LRP6: variants seen among roughly 807,000 people sequenced by gnomAD.
LRP6 encodes the protein LDL receptor related protein 6.
A neutral mutation model predicts 184.1 loss-of-function variants in LRP6; 43 were observed. The ratio of observed to expected loss-of-function variants is 0.23; its 90% confidence interval spans 0.18 to 0.30. The LOEUF (loss-of-function observed/expected upper bound fraction) is 0.30. Ranked by LOEUF, LRP6 falls within the 10% of genes least tolerant of loss-of-function variation. The pLI is 1.00. For synonymous variants in LRP6, 719 were observed against 684.9 expected (o/e 1.05, Z -0.78); for missense variants, 1,571 against 2,005.3 (o/e 0.78, Z 4.14).
chr12:12,171,055 T>C (rs890802720), intron 7 of LRP6, among the ~76,000 whole-genome samples: 2 of 152,186 alleles, frequency 1.3e-5, no homozygotes, highest in Non-Finnish European at 2.9e-5. Flanking sequence ...GCAGTCTAGA[T>C]CAGCCATGTA....
chr12:12,255,561 G>C (rs549154895), intron 1 of LRP6, among the ~76,000 whole-genome samples: 2 of 145,344 alleles, frequency 1.4e-5, no homozygotes, highest in South Asian at 4.3e-4. Flanking sequence ...TTTTGGGTTT[G>C]GTCACTTTTT....
chr12:12,140,274 G>A (rs964380707), intron 15 of LRP6, among the ~76,000 whole-genome samples: 1 of 151,788 alleles, frequency 6.6e-6, no homozygotes, highest in African/African-American at 2.4e-5. Flanking sequence ...AGAGCCCTTG[G>A]AAATTAAAAA....
intron 2 of LRP6, among the ~76,000 whole-genome samples, chr12:12,236,087 C>T (rs188496858): frequency 6.6e-6 from 1 of 151,996 alleles, no homozygotes; most frequent in Non-Finnish European, 1.5e-5. Context: ...ATTAGCCAGG[C>T]GTGGTGGCGG....
intron 9 of LRP6, 61 bp from the exon 10 acceptor site, chr12:12,162,480 AG>A: frequency 6.8e-7 from 1 of 1,461,570 alleles, no homozygotes. Context: ...TCCAGAAAGA[AG>A]GTTTGGTTTG....
intron 7 of LRP6, among the ~76,000 whole-genome samples, chr12:12,176,634 AC>A (rs1863189758): frequency 6.6e-6 from 1 of 152,116 alleles, no homozygotes; most frequent in Admixed American, 6.5e-5. Flanking sequence ...ATCACCACTT[AC>A]AAAAGAGGAA....
intron 3 of LRP6, among the ~76,000 whole-genome samples, chr12:12,202,793 T>C (rs1336011676): frequency 1.3e-5 from 2 of 152,194 alleles, no homozygotes; most frequent in Non-Finnish European, 2.9e-5. Flanking sequence ...CACTCTTTGT[T>C]GTACTGATGC....
intron 15 of LRP6, among the ~76,000 whole-genome samples, chr12:12,139,967 T>G (rs1490871161): frequency 6.6e-6 from 1 of 151,908 alleles, no homozygotes; most frequent in Non-Finnish European, 1.5e-5. Flanking sequence ...GGAACAAAGG[T>G]AGGAGTTATG....
intron 7 of LRP6, among the ~76,000 whole-genome samples, chr12:12,179,401 TATAGATATAG>T (rs755310421): frequency 0.012 from 1,745 of 143,266 alleles, 34 homozygotes; most frequent in Middle Eastern, 0.045. Context: ...TAGATATAGA[TATAGATATAG>T]ATATAGATAT....
chr12:12,138,332 T>C lies in LRP6; in HGVS notation c.3600A>G (p.Gln1200=). 1 of 1,613,656 alleles carries C rather than the reference T, an allele frequency of 6.2e-7. No individual in the cohort carries two copies. The highest frequency in any genetic ancestry group is 1.7e-5 in the Admixed American group (1 of 60,018). Residue 1200 remains glutamine (Q), a synonymous_variant, in exon 16 of 23, where the codon CAA becomes CAG. Coordinates refer to ENST00000261349, the MANE Select transcript of LRP6 (RefSeq NM_002336.3). ...TATCCCATTAACACTTACTGTATTCTTGAAGGTTCAGCTCCTTTACTGCAT... is the reference window on the plus strand; with the variant it reads ...TATCCCATTAACACTTACTGTATTCCTGAAGGTTCAGCTCCTTTACTGCAT... ...DIHAVKELNL[Q]EYRQHPCAQD... is the part of the protein sequence containing the mutation.
At chr12:12,198,890 CATTT>C (rs1463472308) in intron 3 of LRP6, among the ~76,000 whole-genome samples, 5 of 151,992 alleles carry the variant, frequency 3.3e-5, no homozygotes, top group Non-Finnish European at 5.9e-5. Context: ...ACTTTTGACT[CATTT>C]ATTTATTTAA....
At chr12:12,212,789 C>T (rs189413778) in intron 2 of LRP6, among the ~76,000 whole-genome samples, 125 of 152,180 alleles carry the variant, frequency 8.2e-4, no homozygotes, top group African/African-American at 2.7e-3. Flanking sequence ...CAGTCATGCT[C>T]TATGAGAACT....
chr12:12,176,488 C>T (rs1472005946), intron 7 of LRP6, among the ~76,000 whole-genome samples: 1 of 152,162 alleles, frequency 6.6e-6, no homozygotes, highest in Non-Finnish European at 1.5e-5. Context: ...ATCCCTCCTT[C>T]CCGAAGCTTA....
chr12:12,200,939 G>C (rs1214251296), intron 3 of LRP6, among the ~76,000 whole-genome samples: 1 of 152,070 alleles, frequency 6.6e-6, no homozygotes, highest in Admixed American at 6.6e-5. Context: ...ATTTATAAGA[G>C]CTTTTGTTTT....
chr12:12,179,365 T>TATATAG (rs1863278478), intron 7 of LRP6, among the ~76,000 whole-genome samples: 1 of 8,786 alleles, frequency 1.1e-4, no homozygotes, highest in Admixed American at 1.3e-3. Context: ...CAATAAAAGA[T>TATATAG]ATAGATATAG....
chr12:12,138,301 T>C, intron 16 of LRP6, 24 bp downstream of exon 16: 1 of 1,562,416 alleles, frequency 6.4e-7, no homozygotes, highest in Non-Finnish European at 8.8e-7. Flanking sequence ...TTCCTCCAAT[T>C]AGCTTTATCC....
At position 12,203,459 on chromosome 12, in the gene LRP6, T is replaced by C. The variant is rs1863968939; in HGVS notation, c.450-59A>G. On this transcript the variant is annotated intron_variant, in intron 2 of 22. Transcript: ENST00000261349. Reference sequence around the variant, plus strand: ...GAGCAGATATCAATCAAATACTCTGTAATTATTACTATTAAAGAAAGCTCA... The same window carrying C: ...GAGCAGATATCAATCAAATACTCTGCAATTATTACTATTAAAGAAAGCTCA... The C allele has an allele frequency of 4.4e-6, 6 of 1,354,560 alleles. No individual in the cohort carries two copies. In the South Asian group the frequency reaches 7.0e-5, roughly 16 times the overall value. The allele number at this position is 1,354,560 out of a possible 1,614,324, so 83.9% of individuals were successfully genotyped here.
In LRP6 at chr12:12,267,016, C is replaced by A. The variant is rs968910455; in HGVS notation, c.-281G>T. 2.4e-5 allele frequency: 12 copies of A among 493,862 alleles called. No homozygotes were observed. The highest frequency in any genetic ancestry group is 3.5e-5 in the Non-Finnish European group (10 of 281,770). The allele number at this position is 493,862 out of a possible 1,614,324, so 30.6% of individuals were successfully genotyped here. ...TCCCCCGCGCAGCTCCTCATTCAGC[C>A]TCTGCCTCGCGCAGCGGCGCAGGGA... On this transcript the variant is annotated 5_prime_UTR_variant, in exon 1 of 23. The change creates a new upstream start codon in the 5' untranslated region. Transcript: ENST00000261349.
intron 2 of LRP6, among the ~76,000 whole-genome samples, chr12:12,229,121 A>C (rs545605767): frequency 6.6e-6 from 1 of 152,372 alleles, no homozygotes; most frequent in East Asian, 1.9e-4. Context: ...CTGTAATCCC[A>C]GCACTTTGGG....
intron 3 of LRP6, among the ~76,000 whole-genome samples, chr12:12,194,456 T>C: frequency 6.6e-6 from 1 of 152,120 alleles, no homozygotes; most frequent in East Asian, 1.9e-4. Flanking sequence ...TCCATAGAAG[T>C]AACAATTATT....
Sources: gnomAD v4.1 joint callset for allele counts (sites outside exome capture counted in the v4.1 genomes callset) on GRCh38, gnomAD v4.1.1 for gene constraint, MANE v1.5 for transcripts, NCBI Gene and HGNC (gene_info 2026-07-23, HGNC 2026-07-21) for gene names.